Variants in NRXN3 observed in about 807,000 individuals in gnomAD.
The protein encoded by NRXN3 is neurexin III.
In NRXN3, 32 loss-of-function variants were observed where a neutral mutation model predicts 137.6. That is an observed-to-expected ratio of 0.23 (90% confidence interval 0.18 to 0.31). NRXN3 has a LOEUF of 0.31. NRXN3 is among the 10% of genes least tolerant of loss of function. The pLI is 1.00. For synonymous variants in NRXN3, 798 were observed against 784.5 expected, an observed-to-expected ratio of 1.02 and a Z score of -0.29; for missense variants, 1,574 against 2,062.5, an observed-to-expected ratio of 0.76 and a Z score of 4.59.
At chr14:78,288,500 T>G (rs993835977) in intron 3 of NRXN3, among the ~76,000 whole-genome samples, 3 of 152,206 alleles carry the variant, frequency 2.0e-5, no homozygotes, top group African/African-American at 7.2e-5. Flanking sequence ...TTCTTTGACT[T>G]TGTTAAATCC....
At chr14:79,745,629 T>TATTAGTTTC (rs2098977415) in intron 19 of NRXN3, among the ~76,000 whole-genome samples, 1 of 152,116 alleles carries the variant, frequency 6.6e-6, no homozygotes, top group Admixed American at 6.6e-5. Flanking sequence ...ATTTTTGGCT[T>TATTAGTTTC]ATTAGTTTCC....
intron 15 of NRXN3, among the ~76,000 whole-genome samples, chr14:79,330,513 C>A (rs1286210231): frequency 6.6e-6 from 1 of 152,080 alleles, no homozygotes; most frequent in Non-Finnish European, 1.5e-5. Flanking sequence ...TTTTAGGTGG[C>A]TGCAGAATTT....
At chr14:78,419,728 G>T (rs1319873438) in intron 4 of NRXN3, among the ~76,000 whole-genome samples, 1 of 152,118 alleles carries the variant, frequency 6.6e-6, no homozygotes, top group Admixed American at 6.5e-5. Flanking sequence ...ATAATTAAAG[G>T]TTAAACAAAG....
At chr14:78,315,396 A>T (rs967530898) in intron 4 of NRXN3, among the ~76,000 whole-genome samples, 1 of 152,204 alleles carries the variant, frequency 6.6e-6, no homozygotes, top group Admixed American at 6.5e-5. Flanking sequence ...TATAGACTTT[A>T]GTTCCTGCCT....
intron 15 of NRXN3, among the ~76,000 whole-genome samples, chr14:79,165,772 A>G (rs2153078730): frequency 6.6e-6 from 1 of 152,030 alleles, no homozygotes; most frequent in South Asian, 2.1e-4. Flanking sequence ...TGAGATCAGC[A>G]TCTCTTCAGA....
At chr14:79,062,547 G>T (rs1489306314) in intron 15 of NRXN3, among the ~76,000 whole-genome samples, 3 of 151,664 alleles carry the variant, frequency 2.0e-5, no homozygotes, top group Admixed American at 6.6e-5. Flanking sequence ...CAAAAGCAGG[G>T]AGGGAGAGAT....
At position 78,581,714 on chromosome 14, in the gene NRXN3, T is replaced by C. The variant is rs74965974; in HGVS notation, c.758-63406T>C. On this transcript the variant is annotated intron_variant, in intron 4 of 20. Coordinates refer to ENST00000335750, the MANE Select transcript of NRXN3 (RefSeq NM_001330195.2). ...TATGGACATTCCTTCCTCTGCTCTC[T>C]AAGACTGCAGTGATTTTATGTGCAC... Among the ~76,000 whole-genome samples, 508 of 152,352 alleles carry C rather than the reference T, an allele frequency of 3.3e-3. 4 individuals carry two copies. The highest frequency in any genetic ancestry group is 0.011 in the African/African-American group (470 of 41,586).
chr14:78,581,801 T>A (rs746910937), intron 4 of NRXN3, among the ~76,000 whole-genome samples: 1 of 152,170 alleles, frequency 6.6e-6, no homozygotes, highest in African/African-American at 2.4e-5. Flanking sequence ...GCTTACTGGT[T>A]ACTATACAGC....
intron 6 of NRXN3, among the ~76,000 whole-genome samples, chr14:78,685,089 C>G (rs571306854): frequency 6.6e-6 from 1 of 152,106 alleles, no homozygotes; most frequent in Non-Finnish European, 1.5e-5. Context: ...TTTAACAAGG[C>G]CTTTCCTCAG....
At chr14:79,377,001 T>C (rs1370285448) in intron 15 of NRXN3, among the ~76,000 whole-genome samples, 1 of 152,234 alleles carries the variant, frequency 6.6e-6, no homozygotes, top group Middle Eastern at 3.2e-3. Context: ...ACAAAGCTAC[T>C]AAGTAGAAGA....
intron 4 of NRXN3, among the ~76,000 whole-genome samples, chr14:78,607,941 G>A (rs1299055396): frequency 3.3e-5 from 5 of 152,186 alleles, no homozygotes; most frequent in Non-Finnish European, 1.5e-5. Context: ...AAAGCAAGAG[G>A]AGTGTAGCTG....
chr14:78,382,134 T>C (rs2089236803), intron 4 of NRXN3, among the ~76,000 whole-genome samples: 1 of 152,188 alleles, frequency 6.6e-6, no homozygotes, highest in South Asian at 2.1e-4. Context: ...TTCATGTAAA[T>C]GTACAATTAA....
At chr14:79,753,788 A>G (rs2099007812) in intron 19 of NRXN3, among the ~76,000 whole-genome samples, 1 of 152,030 alleles carries the variant, frequency 6.6e-6, no homozygotes, top group Admixed American at 6.6e-5. Context: ...TCATTCTCAT[A>G]TGCCTAACAC....
intron 6 of NRXN3, chr14:78,697,967 G>A (rs1197515056): frequency 1.3e-5 from 2 of 152,040 alleles, no homozygotes; most frequent in Non-Finnish European, 2.9e-5. Context: ...GTGCTTCACA[G>A]GCCAGGCAAG....
intron 15 of NRXN3, among the ~76,000 whole-genome samples, chr14:79,099,863 C>T (rs546423315): frequency 8.5e-5 from 13 of 152,170 alleles, no homozygotes; most frequent in Non-Finnish European, 1.9e-4. Flanking sequence ...CTATTGTCTT[C>T]CTCAAGGCCT....
intron 15 of NRXN3, among the ~76,000 whole-genome samples, chr14:79,142,684 T>C (rs1032166182): frequency 2.6e-5 from 4 of 152,236 alleles, no homozygotes; most frequent in Non-Finnish European, 5.9e-5. Flanking sequence ...ATGTATGACT[T>C]AGATAACCCT....
chr14:78,504,755 T>C (rs1213442825), intron 4 of NRXN3, among the ~76,000 whole-genome samples: 1 of 152,178 alleles, frequency 6.6e-6, no homozygotes. Context: ...GTTCCCACTA[T>C]GTGCCACACC....
chr14:79,497,083 G>A (rs557196936), intron 16 of NRXN3, among the ~76,000 whole-genome samples: 2 of 152,306 alleles, frequency 1.3e-5, no homozygotes, highest in East Asian at 3.9e-4. Flanking sequence ...GCAGAGCAGA[G>A]CTTAAACCTG....
At chr14:78,464,177 C>A (rs898502567) in intron 4 of NRXN3, among the ~76,000 whole-genome samples, 1 of 151,852 alleles carries the variant, frequency 6.6e-6, no homozygotes, top group Admixed American at 6.6e-5. Context: ...TTCAGCCTCC[C>A]GAGTAGCTGG....
Sources: allele counts gnomAD v4.1 joint callset (sites outside exome capture counted in the v4.1 genomes callset), GRCh38; gene constraint gnomAD v4.1.1; transcripts MANE v1.5; gene names NCBI Gene and HGNC (gene_info 2026-07-23, HGNC 2026-07-21).